The following TRABD2B variants were observed in gnomAD, a reference collection of about 807,000 sequenced individuals.
TRABD2B encodes the protein TraB domain containing 2B, also known as metalloprotease TIKI2.
In TRABD2B, 14 loss-of-function variants were observed where a neutral mutation model predicts 40.1. The ratio of observed to expected loss-of-function variants is 0.35; its 90% CI spans 0.23 to 0.55. The LOEUF (loss-of-function observed/expected upper bound fraction) is 0.55. TRABD2B is among the 20% of genes least tolerant of loss of function. The pLI is 0.90. For synonymous variants in TRABD2B, 263 were observed against 277.0 expected, an observed-to-expected ratio of 0.95 and a Z score of 0.50; for missense variants, 541 against 648.6, an observed-to-expected ratio of 0.83 and a Z score of 1.80.
chr1:47,841,070 C>T lies in TRABD2B; in HGVS notation c.667-39451G>A, dbSNP rs943408512. On this transcript the variant is annotated intron_variant, in intron 2 of 6. Coordinates refer to ENST00000606738, the MANE Select transcript of TRABD2B (RefSeq NM_001194986.2). ...AACACTGACAGTGTCCTTGCCATCACCACTGCTGTTACTAAAATGGCCAGC... is the reference window on the plus strand; with the variant it reads ...AACACTGACAGTGTCCTTGCCATCATCACTGCTGTTACTAAAATGGCCAGC... 3.3e-5 allele frequency among the ~76,000 whole-genome samples: 5 copies of T among 152,304 alleles called. No individual in the cohort carries two copies. In the South Asian group the frequency reaches 6.2e-4, roughly 19 times the overall value.
chr1:47,810,482 G>A (rs1644949948), intron 2 of TRABD2B, among the ~76,000 whole-genome samples: 1 of 152,224 alleles, frequency 6.6e-6, no homozygotes, highest in Non-Finnish European at 1.5e-5. Flanking sequence ...TCTGAGAGAA[G>A]AGGGAACAGG....
chr1:47,982,470 A>G (rs1645854469), intron 2 of TRABD2B, among the ~76,000 whole-genome samples: 1 of 152,182 alleles, frequency 6.6e-6, no homozygotes, highest in Non-Finnish European at 1.5e-5. Flanking sequence ...CCATCTAGCC[A>G]AAGTGGAGGA....
chr1:47,961,963 C>T (rs1645523360), intron 2 of TRABD2B, among the ~76,000 whole-genome samples: 1 of 152,098 alleles, frequency 6.6e-6, no homozygotes, highest in African/African-American at 2.4e-5. Flanking sequence ...GGAACCAACC[C>T]AAATGTCCAT....
intron 2 of TRABD2B, among the ~76,000 whole-genome samples, chr1:47,811,322 T>A (rs1644962527): frequency 6.6e-6 from 1 of 151,732 alleles, no homozygotes; most frequent in African/African-American, 2.4e-5. Flanking sequence ...ACTTGGCCTC[T>A]AGTACAGCTG....
chr1:47,917,079 A>T (rs1378096316), intron 2 of TRABD2B, among the ~76,000 whole-genome samples: 1 of 152,232 alleles, frequency 6.6e-6, no homozygotes, highest in Non-Finnish European at 1.5e-5. Context: ...AGACGCATCC[A>T]GACCCAACAG....
chr1:47,774,048 T>C (rs1436669925), intron 6 of TRABD2B, among the ~76,000 whole-genome samples: 1 of 152,130 alleles, frequency 6.6e-6, no homozygotes, highest in Non-Finnish European at 1.5e-5. Context: ...TGGTTCACCA[T>C]CTATAATGCA....
chr1:47,886,554 C>T (rs1387894699), intron 2 of TRABD2B, among the ~76,000 whole-genome samples: 2 of 152,176 alleles, frequency 1.3e-5, no homozygotes, highest in Admixed American at 1.3e-4. Flanking sequence ...GAATTTTGTC[C>T]TTTTCCCTGT....
intron 2 of TRABD2B, among the ~76,000 whole-genome samples, chr1:47,943,691 A>G (rs1645218503): frequency 6.6e-6 from 1 of 152,114 alleles, no homozygotes; most frequent in African/African-American, 2.4e-5. Flanking sequence ...AAAGCAAAAC[A>G]AAAACACAAT....
intron 2 of TRABD2B, among the ~76,000 whole-genome samples, chr1:47,958,352 C>T (rs886136212): frequency 3.4e-4 from 50 of 146,124 alleles, no homozygotes; most frequent in African/African-American, 1.1e-3. Context: ...CAAATTCACA[C>T]ATAACAATAT....
At chr1:47,865,275 G>T (rs538475246) in intron 2 of TRABD2B, among the ~76,000 whole-genome samples, 1 of 152,012 alleles carries the variant, frequency 6.6e-6, no homozygotes, top group Admixed American at 6.5e-5. Context: ...AGGAAACAAG[G>T]CCTCGTTTCC....
In TRABD2B at chr1:47,772,094, G is replaced by A. The variant is rs1411646184; in HGVS notation, c.1349+3076C>T. ...GCCTCAGCTGGGCCAGGGAGAGGGGGAAGGGCAACCACATGGTGCTGGGTG... is the reference window on the plus strand; with the variant it reads ...GCCTCAGCTGGGCCAGGGAGAGGGGAAAGGGCAACCACATGGTGCTGGGTG... On this transcript the variant is annotated intron_variant, in intron 6 of 6. Transcript: ENST00000606738. Among the ~76,000 whole-genome samples the A allele has an allele frequency of 4.6e-5, 7 of 152,056 alleles. No individual in the cohort carries two copies. The South Asian group carries it at 1.5e-3, about 32-fold the overall frequency.
intron 2 of TRABD2B, among the ~76,000 whole-genome samples, chr1:47,923,373 G>T (rs1251196222): frequency 6.6e-6 from 1 of 152,250 alleles, no homozygotes; most frequent in African/African-American, 2.4e-5. Context: ...GGTGGACGCA[G>T]TATCTTCAGC....
At chr1:47,871,448 C>T (rs771981980) in intron 2 of TRABD2B, among the ~76,000 whole-genome samples, 2 of 152,194 alleles carry the variant, frequency 1.3e-5, no homozygotes, top group Non-Finnish European at 2.9e-5. Flanking sequence ...CCAGCCCCCA[C>T]AGCCACCCCG....
intron 2 of TRABD2B, among the ~76,000 whole-genome samples, chr1:47,962,240 C>T (rs1645530979): frequency 6.6e-6 from 1 of 151,984 alleles, no homozygotes; most frequent in Non-Finnish European, 1.5e-5. Context: ...GGAGGGATAG[C>T]ATTAGGAGAT....
intron 2 of TRABD2B, among the ~76,000 whole-genome samples, chr1:47,950,526 G>A (rs374642966): frequency 6.6e-6 from 1 of 152,206 alleles, no homozygotes; most frequent in East Asian, 1.9e-4. Flanking sequence ...AAAGACAAGG[G>A]AGATGATGAA....
intron 2 of TRABD2B, among the ~76,000 whole-genome samples, chr1:47,916,659 C>G (rs958041312): frequency 6.6e-6 from 1 of 152,196 alleles, no homozygotes. Flanking sequence ...CAAGAAAATC[C>G]ACACAGGTGG....
At chr1:47,970,084 T>C (rs1400969757) in intron 2 of TRABD2B, among the ~76,000 whole-genome samples, 1 of 152,076 alleles carries the variant, frequency 6.6e-6, no homozygotes, top group African/African-American at 2.4e-5. Flanking sequence ...TCAGCAAACA[T>C]TGGTGAATGG....
At chr1:47,831,542 G>C (rs760013224) in intron 2 of TRABD2B, among the ~76,000 whole-genome samples, 12 of 152,142 alleles carry the variant, frequency 7.9e-5, no homozygotes, top group Admixed American at 2.6e-4. Context: ...GCAACTTTTA[G>C]GTGCCAAGAA....
chr1:47,861,475 A>T (rs1236376952), intron 2 of TRABD2B, among the ~76,000 whole-genome samples: 1 of 152,216 alleles, frequency 6.6e-6, no homozygotes, highest in East Asian at 1.9e-4. Flanking sequence ...TTCCATGGAC[A>T]TTAAATGGAA....
Sources: allele counts gnomAD v4.1 joint callset (sites outside exome capture counted in the v4.1 genomes callset), GRCh38; gene constraint gnomAD v4.1.1; transcripts MANE v1.5; gene names NCBI Gene and HGNC (gene_info 2026-07-23, HGNC 2026-07-21).